The following METTL8 variants were observed in gnomAD, a reference collection of about 807,000 sequenced individuals.
The protein encoded by METTL8 is methyltransferase 8, tRNA N3-cytidine.
In METTL8, 32 loss-of-function variants were observed where a neutral mutation model predicts 48.7. The ratio of observed to expected loss-of-function variants is 0.66; its 90% CI spans 0.50 to 0.88. The LOEUF (loss-of-function observed/expected upper bound fraction) is 0.88, where lower values mean the gene tolerates loss of function less well. METTL8 is among the 40% of genes least tolerant of loss of function. METTL8 has a pLI of 0.00. For missense variants in METTL8, 464 were observed against 474.4 expected (o/e 0.98, Z 0.20); for synonymous variants, 136 against 157.1 (o/e 0.87, Z 1.01).
At position 171,323,690 on chromosome 2, in the gene METTL8, A is replaced by AAAAAT. The variant is rs1386046194; in HGVS notation, c.*477_*481dup. On this transcript the variant is annotated 3_prime_UTR_variant, in exon 10 of 10. Coordinates refer to ENST00000375258, the MANE Select transcript of METTL8 (RefSeq NM_001321154.2). ...GGAGAAAATAGACAACAACAAGACA[A>AAAAAT]AAAATAATACACTTTGACCTTGGGC... is the stretch of plus-strand genomic sequence containing the variant. The AAAAAT allele has an allele frequency of 1.3e-5, 2 of 152,564 alleles. No individual in the cohort carries two copies. The highest frequency in any genetic ancestry group is 3.9e-4 in the East Asian group (2 of 5,186). The allele number at this position is 152,564 out of a possible 1,614,324, so 9.5% of individuals were successfully genotyped here. A position where few individuals can be genotyped will look rare whatever the true frequency, so the allele number is the denominator to read the frequency against.
chr2:171,339,482 T>G lies in METTL8; in HGVS notation c.308A>C (p.Asp103Ala), dbSNP rs1174359216. ...YKIHKNKFFK[D>A]RNWLLREFPE... ...AAATTCCCTCAACAGCCAATTACGA[T>G]CCTTGAAAAACTTATTCTTATGAAT... is the stretch of plus-strand genomic sequence containing the variant. Residue 103 changes from aspartate to alanine, a missense_variant, in exon 4 of 10, where the codon GAT becomes GCT. Transcript: ENST00000375258. The G allele has an allele frequency of 3.7e-6, 6 of 1,613,388 alleles. No homozygotes were observed. Among genetic ancestry groups the G allele is most frequent in the Non-Finnish European group, 5.1e-6 (6 of 1,179,572 alleles).
chr2:171,334,331 G>C (rs6752479), intron 5 of METTL8, among the ~76,000 whole-genome samples: 2,400 of 152,218 alleles, frequency 0.016, 67 homozygotes, highest in African/African-American at 0.053. Context: ...AGCAGCCCAA[G>C]GTGATGTCTT....
intron 1 of METTL8, among the ~76,000 whole-genome samples, chr2:171,430,485 T>C (rs2105686483): frequency 6.6e-6 from 1 of 152,072 alleles, no homozygotes; most frequent in African/African-American, 2.4e-5. Flanking sequence ...TGTATACCTA[T>C]ATAACAAAAC....
intron 3 of METTL8, among the ~76,000 whole-genome samples, chr2:171,347,533 C>CA (rs1426639575): frequency 1.3e-5 from 2 of 151,850 alleles, no homozygotes; most frequent in African/African-American, 4.8e-5. Flanking sequence ...CAAAATAGGG[C>CA]AAAAAAATCC....
intron 3 of METTL8, among the ~76,000 whole-genome samples, chr2:171,359,717 A>C (rs1684966541): frequency 6.6e-6 from 1 of 151,518 alleles, no homozygotes; most frequent in Non-Finnish European, 1.5e-5. Context: ...AGTTCAAGCG[A>C]TTCTCCTGCC....
chr2:171,353,129 C>T (rs1485869582), intron 3 of METTL8, among the ~76,000 whole-genome samples: 1 of 152,216 alleles, frequency 6.6e-6, no homozygotes, highest in African/African-American at 2.4e-5. Context: ...TCCCTCTACA[C>T]ACTGCTTTAA....
chr2:171,330,764 T>TA, intron 6 of METTL8, 66 bp from the exon 7 acceptor site: 1 of 1,280,964 alleles, frequency 7.8e-7, no homozygotes, highest in Non-Finnish European at 1.1e-6. Flanking sequence ...TTTTTTTTTT[T>TA]AAATAAAAAG....
chr2:171,330,645 A>G lies in METTL8; in HGVS notation c.774T>C (p.Cys258=), dbSNP rs1419275495. 2 of 1,613,634 alleles carry G rather than the reference A, an allele frequency of 1.2e-6. No individual in the cohort carries two copies. The highest frequency in any genetic ancestry group is 3.3e-5 in the Admixed American group (2 of 60,002). Residue 258 remains cysteine, a synonymous_variant, in exon 7 of 10, where the codon TGT becomes TGC. Transcript: ENST00000375258. ...GAAAAGGGTAAGGTAAGCCATCATC[A>G]CATACATCATGAACAAAGGCAAAAC... ...TQCFAFVHDV[C]DDGLPYPFPD... is the part of the protein sequence containing the mutation.
rs556586539 is a variant in METTL8, at chr2:171,323,562, G to C, written c.*610C>G. 2.0e-5 allele frequency: 3 copies of C among 152,128 alleles called. No homozygotes were observed. The highest frequency in any genetic ancestry group is 7.2e-5 in the African/African-American group (3 of 41,486). 9.4% of individuals were successfully genotyped at this position (152,128 alleles called of 1,614,324 possible). On this transcript the variant is annotated 3_prime_UTR_variant, in exon 10 of 10. Transcript: ENST00000375258. ...CAACTTGTATATCTAAGAATAGCCT[G>C]AAAATAATGTCAGCATGGGCTGTAC...
At chr2:171,329,089 G>A (rs940032216) in intron 7 of METTL8, among the ~76,000 whole-genome samples, 3 of 151,954 alleles carry the variant, frequency 2.0e-5, no homozygotes, top group South Asian at 2.1e-4. Flanking sequence ...GAGTTCAAAC[G>A]ACTCTCCTGC....
intron 2 of METTL8, among the ~76,000 whole-genome samples, chr2:171,364,111 G>A (rs758171917): frequency 3.3e-5 from 5 of 151,646 alleles, no homozygotes; most frequent in Admixed American, 6.6e-5. Flanking sequence ...CTGCGCGCCC[G>A]GCCAAATTAT....
At position 171,319,107 on chromosome 2, in the gene METTL8, T is replaced by A. The variant is rs1343642625; in HGVS notation, c.*5065A>T. The stretch of plus-strand genomic sequence containing the variant: ...GACTCTGAGGCAACACTTTTTTCCA[T>A]GGAAAGATACTGTCTTTCTTACAAT... On this transcript the variant is annotated 3_prime_UTR_variant, in exon 10 of 10. Transcript: ENST00000375258. 6.6e-6 allele frequency: 1 copy of A among 152,182 alleles called. No individual in the cohort carries two copies. Among genetic ancestry groups the A allele is most frequent in the East Asian group, 1.9e-4 (1 of 5,198 alleles). The allele number at this position is 152,182 out of a possible 1,614,324, so 9.4% of individuals were successfully genotyped here.
chr2:171,374,068 A>G (rs955689355), intron 2 of METTL8, among the ~76,000 whole-genome samples: 1 of 152,080 alleles, frequency 6.6e-6, no homozygotes, highest in Non-Finnish European at 1.5e-5. Flanking sequence ...AATTACCTTG[A>G]GCAGTATGGC....
At chr2:171,410,173 A>G (rs188758936) in intron 1 of METTL8, among the ~76,000 whole-genome samples, 16 of 152,332 alleles carry the variant, frequency 1.1e-4, no homozygotes, top group African/African-American at 3.8e-4. Context: ...TCCTACGCTC[A>G]TTTGTAAGAC....
intron 3 of METTL8, 50 bp from the exon 4 acceptor site, chr2:171,339,604 A>G (rs773177444): frequency 8.1e-6 from 8 of 985,632 alleles, no homozygotes; most frequent in Middle Eastern, 2.6e-4. Flanking sequence ...AATTATATTT[A>G]CTATTAGCTA....
intron 1 of METTL8, among the ~76,000 whole-genome samples, chr2:171,400,729 G>A (rs921553642): frequency 4.6e-5 from 7 of 152,134 alleles, no homozygotes; most frequent in Non-Finnish European, 2.9e-5. Flanking sequence ...AGTAGTAGAG[G>A]CAAAGAACGG....
At chr2:171,351,790 T>C in intron 3 of METTL8, among the ~76,000 whole-genome samples, 1 of 152,236 alleles carries the variant, frequency 6.6e-6, no homozygotes. Flanking sequence ...ATAGGAATGC[T>C]TGTGATTTTT....
intron 3 of METTL8, among the ~76,000 whole-genome samples, chr2:171,356,952 A>ATGCTTTTTTTTTTTTTT: frequency 2.5e-5 from 2 of 78,468 alleles, no homozygotes; most frequent in Non-Finnish European, 4.8e-5. Context: ...CAAAGACAAT[A>ATGCTTTTTTTTTTTTTT]TTTTTTTTTT....
chr2:171,420,996 T>C (rs1691814342), intron 1 of METTL8, among the ~76,000 whole-genome samples: 1 of 152,180 alleles, frequency 6.6e-6, no homozygotes, highest in South Asian at 2.1e-4. Flanking sequence ...GACAAGGATG[T>C]CCATTATCAA....
Sources: gnomAD v4.1 joint callset for allele counts (sites outside exome capture counted in the v4.1 genomes callset) on GRCh38, gnomAD v4.1.1 for gene constraint, MANE v1.5 for transcripts, NCBI Gene and HGNC (gene_info 2026-07-23, HGNC 2026-07-21) for gene names.